The following ADAMTSL1 variants were observed in gnomAD, a reference collection of about 807,000 sequenced individuals.
ADAMTSL1 encodes the protein ADAMTS-like protein 1.
A neutral mutation model predicts 201.8 loss-of-function variants in ADAMTSL1; 126 were observed. The observed-to-expected ratio is 0.62, with a 90% confidence interval of 0.54 to 0.72. The LOEUF (loss-of-function observed/expected upper bound fraction) is 0.72. Among genes scored for constraint, ADAMTSL1 ranks in the 30% least tolerant of loss-of-function variants. The pLI, the probability that ADAMTSL1 is intolerant of heterozygous loss-of-function variation, is 0.00. For synonymous variants in ADAMTSL1, 1,121 were observed against 903.4 expected (o/e 1.24, Z -4.32); for missense variants, 2,679 against 2,277.8 (o/e 1.18, Z -3.59).
intron 5 of ADAMTSL1, among the ~76,000 whole-genome samples, chr9:18,632,007 G>T (rs532055848): frequency 2.0e-5 from 3 of 152,186 alleles, no homozygotes; most frequent in Admixed American, 1.3e-4. Context: ...GCACTCAATC[G>T]TAAAACAGTG....
chr9:18,759,010 A>C (rs1819920081), intron 16 of ADAMTSL1, among the ~76,000 whole-genome samples: 1 of 152,220 alleles, frequency 6.6e-6, no homozygotes, highest in Non-Finnish European at 1.5e-5. Flanking sequence ...TAAAGAAAAA[A>C]GGTGCTGAAG....
intron 2 of ADAMTSL1, among the ~76,000 whole-genome samples, chr9:18,325,755 T>G (rs1834806838): frequency 6.6e-6 from 1 of 151,996 alleles, no homozygotes; most frequent in African/African-American, 2.4e-5. Context: ...TTTTTTTTTT[T>G]TTTGAAACAG....
At chr9:18,267,775 C>CAAAAAA (rs1198311322) in intron 2 of ADAMTSL1, among the ~76,000 whole-genome samples, 1 of 108,496 alleles carries the variant, frequency 9.2e-6, no homozygotes, top group African/African-American at 3.1e-5. Flanking sequence ...AAAAAAAAAA[C>CAAAAAA]AAAAACAAAA....
At chr9:18,577,974 C>G (rs1822845170) in intron 4 of ADAMTSL1, among the ~76,000 whole-genome samples, 1 of 142,654 alleles carries the variant, frequency 7.0e-6, no homozygotes, top group Non-Finnish European at 1.5e-5. Flanking sequence ...AGTTACTGCC[C>G]TTTACTTTTC....
chr9:18,742,953 C>T (rs1480329283), intron 15 of ADAMTSL1, among the ~76,000 whole-genome samples: 1 of 151,766 alleles, frequency 6.6e-6, no homozygotes, highest in African/African-American at 2.4e-5. Context: ...CTATTTTTAA[C>T]AAGAAATTTA....
intron 2 of ADAMTSL1, among the ~76,000 whole-genome samples, chr9:18,378,314 G>A (rs995634702): frequency 6.6e-6 from 1 of 152,170 alleles, no homozygotes; most frequent in African/African-American, 2.4e-5. Flanking sequence ...ATAAATGGTA[G>A]CTATTTTGAG....
intron 2 of ADAMTSL1, among the ~76,000 whole-genome samples, chr9:18,359,616 A>G (rs1187335287): frequency 2.0e-5 from 3 of 152,156 alleles, no homozygotes; most frequent in Non-Finnish European, 2.9e-5. Context: ...AGTAATTCCC[A>G]TTAAGGAAAT....
chr9:18,412,591 A>G (rs958761723), intron 2 of ADAMTSL1, among the ~76,000 whole-genome samples: 1 of 152,098 alleles, frequency 6.6e-6, no homozygotes, highest in African/African-American at 2.4e-5. Flanking sequence ...TGTCCTAACA[A>G]CCACCAGTGA....
chr9:17,938,022 A>C (rs1827085321), intron 1 of ADAMTSL1, among the ~76,000 whole-genome samples: 1 of 152,206 alleles, frequency 6.6e-6, no homozygotes, highest in Non-Finnish European at 1.5e-5. Context: ...TCAGAAACAG[A>C]TGGATTTTTT....
chr9:18,854,118 A>G (rs1588241543), intron 23 of ADAMTSL1, among the ~76,000 whole-genome samples: 1 of 152,144 alleles, frequency 6.6e-6, no homozygotes. Context: ...CTCATCTCCT[A>G]TAATTAGCTA....
intron 2 of ADAMTSL1, among the ~76,000 whole-genome samples, chr9:18,351,494 G>A (rs549394805): frequency 6.6e-6 from 1 of 152,060 alleles, no homozygotes; most frequent in Admixed American, 6.5e-5. Context: ...AATGTGATGA[G>A]AGAAGGTGCA....
chr9:18,829,946 G>T lies in ADAMTSL1; in HGVS notation c.4218G>T (p.Leu1406=), dbSNP rs781227023. The change falls in exon 23 of 29, where the codon CTG becomes CTT. Residue 1406 remains leucine (L), a synonymous_variant. Coordinates refer to ENST00000380548, the MANE Select transcript of ADAMTSL1 (RefSeq NM_001040272.6). ...TGACGTCTCCTCTGGGAACACAGCT[G>T]GTCCTGGATCCTGGGAATTCTGCTC... ...SVLTSPLGTQ[L]VLDPGNSALL... 1 of 1,613,208 alleles carries T rather than the reference G, an allele frequency of 6.2e-7. No homozygotes were observed.
intron 7 of ADAMTSL1, among the ~76,000 whole-genome samples, chr9:18,643,670 G>A (rs1207873641): frequency 6.6e-6 from 1 of 151,892 alleles, no homozygotes; most frequent in Non-Finnish European, 1.5e-5. Context: ...CAGCAACTTT[G>A]TCAGAAAATC....
intron 2 of ADAMTSL1, among the ~76,000 whole-genome samples, chr9:18,373,862 T>C (rs1837164831): frequency 6.6e-6 from 1 of 152,200 alleles, no homozygotes; most frequent in South Asian, 2.1e-4. Context: ...GGGAATGCCA[T>C]GACACACATA....
At chr9:18,164,290 T>G (rs566195662) in intron 2 of ADAMTSL1, among the ~76,000 whole-genome samples, 61 of 152,046 alleles carry the variant, frequency 4.0e-4, no homozygotes, top group Non-Finnish European at 4.9e-4. Flanking sequence ...ATGGTAATAA[T>G]TTAAATAAGT....
intron 1 of ADAMTSL1, among the ~76,000 whole-genome samples, chr9:17,979,614 A>G (rs1818606013): frequency 6.6e-6 from 1 of 151,424 alleles, no homozygotes; most frequent in African/African-American, 2.4e-5. Context: ...GTGACTTTGA[A>G]TTCTTAGGAG....
intron 23 of ADAMTSL1, among the ~76,000 whole-genome samples, chr9:18,861,044 C>T (rs1323396540): frequency 6.6e-6 from 1 of 151,974 alleles, no homozygotes; most frequent in Non-Finnish European, 1.5e-5. Context: ...TATACACATC[C>T]CTCATTATAC....
chr9:18,744,124 T>A (rs1423016675), intron 15 of ADAMTSL1, among the ~76,000 whole-genome samples: 1 of 152,228 alleles, frequency 6.6e-6, no homozygotes, highest in Admixed American at 6.5e-5. Context: ...ACATAAACAG[T>A]CTTTGGGAAG....
At chr9:18,219,242 A>T (rs1002819780) in intron 2 of ADAMTSL1, among the ~76,000 whole-genome samples, 4 of 151,864 alleles carry the variant, frequency 2.6e-5, no homozygotes, top group Admixed American at 6.6e-5. Flanking sequence ...CTCTTTTGTA[A>T]TTAGTATAGC....
Sources: gnomAD v4.1 joint callset for allele counts (sites outside exome capture counted in the v4.1 genomes callset) on GRCh38, gnomAD v4.1.1 for gene constraint, MANE v1.5 for transcripts, NCBI Gene and HGNC (gene_info 2026-07-23, HGNC 2026-07-21) for gene names.